Variants in TRABD2B observed in about 807,000 individuals in gnomAD.
The protein encoded by TRABD2B is metalloprotease TIKI2.
A neutral mutation model predicts 40.1 loss-of-function variants in TRABD2B; 14 were observed. The observed-to-expected ratio is 0.35, with a 90% confidence interval of 0.23 to 0.55. TRABD2B has a LOEUF of 0.55. Ranked by LOEUF, TRABD2B falls within the 20% of genes least tolerant of loss-of-function variation. The probability of loss-of-function intolerance (pLI) is 0.90; values close to 1 mark genes in which losing one functional copy is unlikely to be tolerated. For synonymous variants in TRABD2B, 263 were observed against 277.0 expected (o/e 0.95, Z 0.50); for missense variants, 541 against 648.6 (o/e 0.83, Z 1.80).
intron 2 of TRABD2B, among the ~76,000 whole-genome samples, chr1:47,933,149 A>C (rs1645062345): frequency 6.7e-6 from 1 of 148,492 alleles, no homozygotes. Context: ...TTTGTTGTCC[A>C]GGCTGGCATG....
At chr1:47,788,972 T>G (rs1169964987) in intron 4 of TRABD2B, among the ~76,000 whole-genome samples, 1 of 152,196 alleles carries the variant, frequency 6.6e-6, no homozygotes, top group East Asian at 1.9e-4. Context: ...GAGAAACCTG[T>G]TTCCCTGGAA....
At chr1:47,909,386 G>C (rs1644720047) in intron 2 of TRABD2B, among the ~76,000 whole-genome samples, 1 of 151,792 alleles carries the variant, frequency 6.6e-6, no homozygotes, top group Admixed American at 6.6e-5. Flanking sequence ...CACAGGGCGA[G>C]AGAGGAAGCA....
rs77405974 is a variant in TRABD2B, at chr1:47,972,352, T to C, written c.666+21682A>G. ...AACAACTAGTTTTTCAGCACTGTTA[T>C]GTACTGAATGTTTGTGTCCCCTTAG... On this transcript the variant is annotated intron_variant, in intron 2 of 6. Coordinates refer to ENST00000606738, the MANE Select transcript of TRABD2B (RefSeq NM_001194986.2). Among the ~76,000 whole-genome samples the C allele has an allele frequency of 5.4e-3, 818 of 152,286 alleles. 9 individuals carry two copies. Among genetic ancestry groups the C allele is most frequent in the African/African-American group, 0.017 (720 of 41,562 alleles).
rs188455282 is a variant in TRABD2B at position 47,888,434 on chromosome 1, T to C, written c.667-86815A>G. Among the ~76,000 whole-genome samples, 891 of 152,234 alleles carry C rather than the reference T, an allele frequency of 5.9e-3. 5 individuals are homozygous for C. Among genetic ancestry groups the C allele is most frequent in the African/African-American group, 0.02 (836 of 41,558 alleles). ...GGGAGAGGAGTGGAGGCTCAGGCTGTTCACCCCATACAAGGCTGGGCACTG... is the reference window on the plus strand; with the variant it reads ...GGGAGAGGAGTGGAGGCTCAGGCTGCTCACCCCATACAAGGCTGGGCACTG... On this transcript the variant is annotated intron_variant, in intron 2 of 6. Transcript: ENST00000606738.
intron 2 of TRABD2B, among the ~76,000 whole-genome samples, chr1:47,811,322 T>TAGTACAGCTG (rs1327065328): frequency 6.6e-6 from 1 of 151,732 alleles, no homozygotes; most frequent in African/African-American, 2.4e-5. Context: ...ACTTGGCCTC[T>TAGTACAGCTG]AGTACAGCTG....
chr1:47,951,699 C>T (rs753658684), intron 2 of TRABD2B, among the ~76,000 whole-genome samples: 1 of 152,298 alleles, frequency 6.6e-6, no homozygotes, highest in East Asian at 1.9e-4. Flanking sequence ...GCTGAGCAGT[C>T]CCTAGTAGCC....
At chr1:47,913,579 G>A (rs2124712129) in intron 2 of TRABD2B, among the ~76,000 whole-genome samples, 1 of 152,236 alleles carries the variant, frequency 6.6e-6, no homozygotes. Flanking sequence ...TGTCCCTTGA[G>A]GTCCCAGCAC....
At chr1:47,806,931 C>G (rs967437047) in intron 2 of TRABD2B, among the ~76,000 whole-genome samples, 2 of 152,150 alleles carry the variant, frequency 1.3e-5, no homozygotes, top group Non-Finnish European at 2.9e-5. Flanking sequence ...AGTCTGCTCA[C>G]CCAACTCAAA....
intron 2 of TRABD2B, among the ~76,000 whole-genome samples, chr1:47,934,199 G>A (rs1244986060): frequency 2.0e-5 from 3 of 152,212 alleles, no homozygotes; most frequent in Non-Finnish European, 4.4e-5. Context: ...GACTTGCTGT[G>A]AGCCCTCAGC....
intron 2 of TRABD2B, among the ~76,000 whole-genome samples, chr1:47,945,924 T>C (rs976249638): frequency 6.6e-6 from 1 of 152,216 alleles, no homozygotes; most frequent in Non-Finnish European, 1.5e-5. Flanking sequence ...AAGTGGGATT[T>C]CTGGATGTGG....
At chr1:47,931,455 G>A (rs1326979451) in intron 2 of TRABD2B, among the ~76,000 whole-genome samples, 4 of 152,150 alleles carry the variant, frequency 2.6e-5, no homozygotes, top group Non-Finnish European at 4.4e-5. Flanking sequence ...GGTGGGTTCT[G>A]CAACTACTTT....
At chr1:47,855,720 T>C (rs1643883624) in intron 2 of TRABD2B, among the ~76,000 whole-genome samples, 1 of 152,188 alleles carries the variant, frequency 6.6e-6, no homozygotes, top group Non-Finnish European at 1.5e-5. Flanking sequence ...AATCAGGTCA[T>C]GAAGGTGGAG....
intron 2 of TRABD2B, among the ~76,000 whole-genome samples, chr1:47,951,385 A>G (rs1645341853): frequency 6.6e-6 from 1 of 152,178 alleles, no homozygotes; most frequent in Admixed American, 6.5e-5. Flanking sequence ...TTCACCCCAA[A>G]CAAATGATAA....
intron 2 of TRABD2B, among the ~76,000 whole-genome samples, chr1:47,987,671 A>G (rs1010492621): frequency 7.9e-5 from 12 of 152,220 alleles, no homozygotes; most frequent in African/African-American, 2.9e-4. Context: ...AGAGCTCGCC[A>G]TGCCTGCAGG....
chr1:47,915,111 C>T (rs1644812852), intron 2 of TRABD2B, among the ~76,000 whole-genome samples: 1 of 152,162 alleles, frequency 6.6e-6, no homozygotes, highest in Non-Finnish European at 1.5e-5. Context: ...TGCAACAGGG[C>T]CTGGCACACA....
intron 4 of TRABD2B, among the ~76,000 whole-genome samples, chr1:47,793,396 G>A (rs1045067201): frequency 4.6e-5 from 7 of 152,242 alleles, no homozygotes; most frequent in Admixed American, 1.3e-4. Flanking sequence ...GGGCTGCAAA[G>A]GAGGGGCGAG....
intron 2 of TRABD2B, among the ~76,000 whole-genome samples, chr1:47,946,434 T>A (rs1645261076): frequency 6.6e-6 from 1 of 152,188 alleles, no homozygotes; most frequent in African/African-American, 2.4e-5. Flanking sequence ...TACTGAGAGT[T>A]TTTATCATGA....
chr1:47,881,000 C>G (rs1644295775), intron 2 of TRABD2B, among the ~76,000 whole-genome samples: 1 of 152,222 alleles, frequency 6.6e-6, no homozygotes, highest in African/African-American at 2.4e-5. Flanking sequence ...TCCATAAATT[C>G]AGGCTCGAGC....
At chr1:47,827,742 G>T (rs374871908) in intron 2 of TRABD2B, among the ~76,000 whole-genome samples, 2 of 152,106 alleles carry the variant, frequency 1.3e-5, no homozygotes, top group East Asian at 3.9e-4. Flanking sequence ...TAAACAGGAG[G>T]GATTTAAACA....
Sources: gnomAD v4.1 joint callset for allele counts (sites outside exome capture counted in the v4.1 genomes callset) on GRCh38, gnomAD v4.1.1 for gene constraint, MANE v1.5 for transcripts, NCBI Gene and HGNC (gene_info 2026-07-23, HGNC 2026-07-21) for gene names.